The following PDIA5 variants were observed in gnomAD, a reference collection of about 807,000 sequenced individuals.
PDIA5 encodes the protein protein disulfide-isomerase A5.
In PDIA5, 58 loss-of-function variants were observed where a neutral mutation model predicts 77.6. That is an observed-to-expected ratio of 0.75 (90% CI 0.61 to 0.93). The LOEUF is 0.93. Ranked by LOEUF, PDIA5 falls within the 40% of genes least tolerant of loss-of-function variation. The pLI is 0.00. For missense variants in PDIA5, 630 were observed against 647.7 expected, an observed-to-expected ratio of 0.97 and a Z score of 0.30; for synonymous variants, 250 against 252.1, an observed-to-expected ratio of 0.99 and a Z score of 0.08.
chr3:123,116,432 T>C, intron 8 of PDIA5, 134 bp downstream of exon 8: 1 of 682,084 alleles, frequency 1.5e-6, no homozygotes, highest in South Asian at 1.7e-5. Flanking sequence ...CGTTGCTGAA[T>C]CGCAGCCTTG....
In PDIA5 at chr3:123,161,971, A is replaced by C. The variant is rs201874522; in HGVS notation, c.*11A>C. 414 of 1,526,504 alleles carry C rather than the reference A, an allele frequency of 2.7e-4. 1 individual carries two copies. The highest frequency in any genetic ancestry group is 1.7e-3 in the Middle Eastern group (10 of 5,898). 94.6% of individuals were successfully genotyped at this position (1,526,504 alleles called of 1,614,324 possible). A position where few individuals can be genotyped will look rare whatever the true frequency, so the allele number is the denominator to read the frequency against. ...AAGGAAGAGTTATAATTCCTGCCTCAGAAAAAGCTTTTCCATTACACTGTG... is the reference window on the plus strand; with the variant it reads ...AAGGAAGAGTTATAATTCCTGCCTCCGAAAAAGCTTTTCCATTACACTGTG... On this transcript the variant is annotated 3_prime_UTR_variant, in exon 17 of 17. Coordinates refer to ENST00000316218, the MANE Select transcript of PDIA5 (RefSeq NM_006810.4).
chr3:123,145,523 G>A lies in PDIA5; in HGVS notation c.912G>A (p.Trp304Ter). The A allele has an allele frequency of 6.2e-7, 1 of 1,613,626 alleles. No individual in the cohort carries two copies. The highest frequency in any genetic ancestry group is 8.5e-7 in the Non-Finnish European group (1 of 1,179,498). ...GTTTCTCTTGATCTCTCCCCACAGGGTGTGGCCACTGTAAGAAAATGAAGC... is the reference window on the plus strand; with the variant it reads ...GTTTCTCTTGATCTCTCCCCACAGGATGTGGCCACTGTAAGAAAATGAAGC... ...SSVLVMFHAP[W>*]CGHCKKMKPE... is the part of the protein sequence containing the mutation. The change falls in exon 12 of 17, where the codon TGG (tryptophan) becomes TGA (stop). Residue 304 changes from tryptophan (W) to a stop codon, truncating the protein, a stop_gained and splice_region_variant. Coordinates refer to ENST00000316218, the MANE Select transcript of PDIA5 (RefSeq NM_006810.4). LOFTEE classifies it high-confidence loss of function.
chr3:123,132,133 A>G (rs1935383554), intron 11 of PDIA5, among the ~76,000 whole-genome samples: 1 of 152,126 alleles, frequency 6.6e-6, no homozygotes, highest in African/African-American at 2.4e-5. Flanking sequence ...AATTAGCCCC[A>G]TTTTACAGAT....
intron 11 of PDIA5, among the ~76,000 whole-genome samples, chr3:123,133,447 G>A (rs1935417155): frequency 6.6e-6 from 1 of 152,354 alleles, no homozygotes; most frequent in South Asian, 2.1e-4. Context: ...ATCGCTGAAT[G>A]CGCCGCTTGG....
At chr3:123,089,701 G>C (rs1271516428) in intron 2 of PDIA5, among the ~76,000 whole-genome samples, 1 of 152,262 alleles carries the variant, frequency 6.6e-6, no homozygotes, top group Non-Finnish European at 1.5e-5. Context: ...AGGCCGGCCT[G>C]TTGCCAGCTG....
chr3:123,091,989 T>C (rs1200958086), intron 2 of PDIA5, among the ~76,000 whole-genome samples: 1 of 152,226 alleles, frequency 6.6e-6, no homozygotes, highest in Middle Eastern at 3.2e-3. Context: ...GTTTATGGAA[T>C]TGTCAAAATG....
chr3:123,102,560 G>T, intron 4 of PDIA5, 66 bp downstream of exon 4: 1 of 1,244,126 alleles, frequency 8.0e-7, no homozygotes, highest in South Asian at 1.2e-5. Flanking sequence ...TATTTTCAGC[G>T]AACAGCAATT....
chr3:123,105,690 TTAC>T (rs1022563441), intron 5 of PDIA5, among the ~76,000 whole-genome samples: 1 of 152,006 alleles, frequency 6.6e-6, no homozygotes, highest in Non-Finnish European at 1.5e-5. Context: ...ATGCACACCC[TTAC>T]TATTATAGAA....
rs1044769409 is a variant in PDIA5 at position 123,124,302 on chromosome 3, C to T, written c.732C>T (p.Asn244=). ...GACGGTTCTTGTTCCAGTATGACAACTATGGGTCCACAGCTGAGGACATTG... is the reference window on the plus strand; with the variant it reads ...GACGGTTCTTGTTCCAGTATGACAATTATGGGTCCACAGCTGAGGACATTG... The part of the protein sequence containing the change: ...EKGRFLFQYD[N]YGSTAEDIVE... Residue 244 remains asparagine (N), a synonymous_variant, in exon 10 of 17, where the codon AAC becomes AAT. Coordinates refer to ENST00000316218, the MANE Select transcript of PDIA5 (RefSeq NM_006810.4). The T allele has an allele frequency of 1.9e-6, 3 of 1,613,684 alleles. No homozygotes were observed. Among genetic ancestry groups the T allele is most frequent in the South Asian group, 1.1e-5 (1 of 91,086 alleles).
chr3:123,080,108 C>T (rs771580956), intron 1 of PDIA5, among the ~76,000 whole-genome samples: 1 of 151,564 alleles, frequency 6.6e-6, no homozygotes, highest in Non-Finnish European at 1.5e-5. Flanking sequence ...CTAAAAGAGA[C>T]GTGTTTGCTG....
chr3:123,116,934 G>A (rs1052473544), intron 8 of PDIA5, among the ~76,000 whole-genome samples: 1 of 151,832 alleles, frequency 6.6e-6, no homozygotes, highest in African/African-American at 2.4e-5. Context: ...GGAGGAAGAG[G>A]AGCCACTAAG....
At chr3:123,105,762 CAT>C (rs1465753550) in intron 5 of PDIA5, among the ~76,000 whole-genome samples, 9 of 143,012 alleles carry the variant, frequency 6.3e-5, no homozygotes, top group South Asian at 4.6e-4. Context: ...CACACACACA[CAT>C]ACACTCTCAG....
chr3:123,104,000 G>A (rs909765341), intron 5 of PDIA5, among the ~76,000 whole-genome samples: 1 of 152,184 alleles, frequency 6.6e-6, no homozygotes, highest in Non-Finnish European at 1.5e-5. Flanking sequence ...TTGGGCTTAT[G>A]GAGCAGGGAG....
chr3:123,071,613 G>A (rs916893218), intron 1 of PDIA5, among the ~76,000 whole-genome samples: 3 of 152,154 alleles, frequency 2.0e-5, no homozygotes, highest in Non-Finnish European at 2.9e-5. Context: ...AAACAGACCC[G>A]GCATATAAGG....
chr3:123,140,791 G>T (rs1423629299), intron 11 of PDIA5, among the ~76,000 whole-genome samples: 4 of 152,254 alleles, frequency 2.6e-5, no homozygotes, highest in Non-Finnish European at 5.9e-5. Context: ...CCTTATAGAG[G>T]TGGGGAATTC....
chr3:123,160,237 C>T (rs1243896475), intron 15 of PDIA5, among the ~76,000 whole-genome samples: 1 of 152,170 alleles, frequency 6.6e-6, no homozygotes, highest in Non-Finnish European at 1.5e-5. Context: ...TGGGTATGGC[C>T]ATTGAGGACC....
At chr3:123,083,213 G>T (rs953414518) in intron 1 of PDIA5, among the ~76,000 whole-genome samples, 4 of 151,652 alleles carry the variant, frequency 2.6e-5, no homozygotes, top group Non-Finnish European at 2.9e-5. Context: ...TGCTCGGGGT[G>T]GGGGAGGGGG....
intron 14 of PDIA5, among the ~76,000 whole-genome samples, 199 bp downstream of exon 14, chr3:123,150,563 G>T (rs1006427074): frequency 6.6e-6 from 1 of 152,044 alleles, no homozygotes; most frequent in Admixed American, 6.6e-5. Context: ...TGTCAGACTC[G>T]TCGGGCTCTC....
At chr3:123,100,072 G>A (rs1934543758) in intron 3 of PDIA5, among the ~76,000 whole-genome samples, 2 of 152,242 alleles carry the variant, frequency 1.3e-5, no homozygotes, top group Admixed American at 1.3e-4. Context: ...CCCAGCTGCT[G>A]TTTGTTGTTG....
Sources: gnomAD v4.1 joint callset for allele counts (sites outside exome capture counted in the v4.1 genomes callset) on GRCh38, gnomAD v4.1.1 for gene constraint, MANE v1.5 for transcripts, NCBI Gene and HGNC (gene_info 2026-07-23, HGNC 2026-07-21) for gene names.